Variants in NCALD observed in about 807,000 individuals in gnomAD.
The protein encoded by NCALD is neurocalcin delta.
NCALD carries 10 observed loss-of-function variants against 18.6 expected under a neutral mutation model. The ratio of observed to expected loss-of-function variants is 0.54; its 90% CI spans 0.33 to 0.91. The LOEUF (loss-of-function observed/expected upper bound fraction) is 0.91. Among genes scored for constraint, NCALD ranks in the 40% least tolerant of loss-of-function variants. The probability of loss-of-function intolerance (pLI) is 0.03; values close to 1 mark genes in which losing one functional copy is unlikely to be tolerated. For missense variants in NCALD, 184 were observed against 247.6 expected (o/e 0.74, Z 1.72); for synonymous variants, 88 against 87.4 (o/e 1.01, Z -0.04).
At chr8:101,701,122 G>A (rs1280003026) in intron 2 of NCALD, among the ~76,000 whole-genome samples, 1 of 152,194 alleles carries the variant, frequency 6.6e-6, no homozygotes, top group African/African-American at 2.4e-5. Context: ...GCCCTGCAGA[G>A]CCACAGTGGC....
At chr8:102,098,060 C>A (rs1825160945) in intron 1 of NCALD, among the ~76,000 whole-genome samples, 1 of 152,186 alleles carries the variant, frequency 6.6e-6, no homozygotes. Flanking sequence ...TAAGTATAGT[C>A]TGTGTTTGGG....
At chr8:101,905,201 T>C (rs1237402605) in intron 3 of NCALD, among the ~76,000 whole-genome samples, 1 of 152,200 alleles carries the variant, frequency 6.6e-6, no homozygotes, top group South Asian at 2.1e-4. Context: ...ATGTTTTCTA[T>C]GCCCATGGCT....
chr8:102,001,345 G>C (rs1425483185), intron 2 of NCALD, among the ~76,000 whole-genome samples: 2 of 152,154 alleles, frequency 1.3e-5, no homozygotes, highest in Non-Finnish European at 2.9e-5. Context: ...AAAAAGAAAT[G>C]AACAAAGTCT....
intron 1 of NCALD, among the ~76,000 whole-genome samples, chr8:101,738,211 G>A (rs1424775005): frequency 6.6e-6 from 1 of 151,930 alleles, no homozygotes; most frequent in African/African-American, 2.4e-5. Context: ...GGACTTTTTT[G>A]GTGATAGTAT....
At chr8:102,056,691 G>C (rs1330825884) in intron 1 of NCALD, among the ~76,000 whole-genome samples, 1 of 152,206 alleles carries the variant, frequency 6.6e-6, no homozygotes, top group Non-Finnish European at 1.5e-5. Context: ...CCAAAGACTT[G>C]TTCCACTGTC....
chr8:101,696,516 G>C (rs564429315), intron 2 of NCALD, among the ~76,000 whole-genome samples: 1 of 152,300 alleles, frequency 6.6e-6, no homozygotes, highest in South Asian at 2.1e-4. Flanking sequence ...TGGAAGCCCA[G>C]AGTGGGAGCG....
In NCALD at chr8:102,044,564, A is replaced by G. The variant is rs376591986; in HGVS notation, c.-209-24275T>C. ...GTGTTTATTGAGCCTATAACGCGGT[A>G]ATCACTGAGCTAGAACCTGAATGCT... On this transcript the variant is annotated intron_variant, in intron 1 of 6. Coordinates refer to the NCALD transcript ENST00000311028. 1.1e-4 allele frequency among the ~76,000 whole-genome samples: 17 copies of G among 152,376 alleles called. No homozygotes were observed. The East Asian group carries it at 3.3e-3, about 29-fold the overall frequency.
At chr8:102,015,426 T>C (rs967456217) in intron 2 of NCALD, among the ~76,000 whole-genome samples, 6 of 152,222 alleles carry the variant, frequency 3.9e-5, no homozygotes, top group African/African-American at 1.4e-4. Context: ...AGTTTTCCTA[T>C]TAAGTTTTAG....
chr8:101,921,198 AGTCT>A (rs1169934922), intron 2 of NCALD, among the ~76,000 whole-genome samples: 3 of 151,966 alleles, frequency 2.0e-5, no homozygotes, highest in Non-Finnish European at 4.4e-5. Context: ...CAATCTAATT[AGTCT>A]GTCAAGTACA....
chr8:101,837,352 A>G (rs1223704340), intron 4 of NCALD, among the ~76,000 whole-genome samples: 1 of 152,214 alleles, frequency 6.6e-6, no homozygotes, highest in Non-Finnish European at 1.5e-5. Flanking sequence ...TATCAAATAA[A>G]TAGTGTAAGT....
intron 3 of NCALD, among the ~76,000 whole-genome samples, chr8:101,910,859 G>C (rs1053209658): frequency 6.6e-6 from 1 of 152,138 alleles, no homozygotes; most frequent in Non-Finnish European, 1.5e-5. Context: ...ACAGGGCAAC[G>C]ACCCTGAGAA....
chr8:101,833,350 T>C (rs67887846), intron 4 of NCALD, among the ~76,000 whole-genome samples: 37,391 of 152,108 alleles, frequency 0.25, 4,753 homozygotes, highest in South Asian at 0.3. Flanking sequence ...CCCAAGAAAC[T>C]TTCAATACTG....
At chr8:101,690,871 C>T (rs747994735) in intron 3 of NCALD, 167 of 985,258 alleles carry the variant, frequency 1.7e-4, no homozygotes, top group Non-Finnish European at 2.0e-4. Flanking sequence ...TGCAGTCTCT[C>T]AGGGGTCGGC....
At chr8:101,947,940 C>T (rs1819241154) in intron 2 of NCALD, among the ~76,000 whole-genome samples, 1 of 152,100 alleles carries the variant, frequency 6.6e-6, no homozygotes, top group Admixed American at 6.6e-5. Context: ...TTTACAATGG[C>T]TGTAGAAAAA....
chr8:102,087,769 G>C (rs113209790), intron 1 of NCALD, among the ~76,000 whole-genome samples: 4 of 152,060 alleles, frequency 2.6e-5, no homozygotes, highest in Non-Finnish European at 5.9e-5. Context: ...GGAAACTTGA[G>C]AGCTGATGAG....
At chr8:101,819,351 G>T (rs1015697149) in intron 4 of NCALD, among the ~76,000 whole-genome samples, 1 of 150,858 alleles carries the variant, frequency 6.6e-6, no homozygotes, top group Non-Finnish European at 1.5e-5. Context: ...CATCATTTGG[G>T]TTTTTATTTC....
intron 4 of NCALD, among the ~76,000 whole-genome samples, chr8:101,855,282 G>A (rs1815264401): frequency 6.6e-6 from 1 of 152,148 alleles, no homozygotes; most frequent in African/African-American, 2.4e-5. Flanking sequence ...ACTAGCCAAT[G>A]AGTTGTGAGC....
At chr8:101,809,746 T>C (rs1237154169) in intron 4 of NCALD, among the ~76,000 whole-genome samples, 1 of 152,152 alleles carries the variant, frequency 6.6e-6, no homozygotes, top group Non-Finnish European at 1.5e-5. Context: ...GGTTTCACCA[T>C]GTTGGCCAGA....
intron 3 of NCALD, among the ~76,000 whole-genome samples, chr8:101,915,340 G>C (rs577421777): frequency 6.6e-6 from 1 of 152,144 alleles, no homozygotes; most frequent in South Asian, 2.1e-4. Flanking sequence ...TCACCCACAC[G>C]TTCATTCTCT....
Sources: allele counts gnomAD v4.1 joint callset (sites outside exome capture counted in the v4.1 genomes callset), GRCh38; gene constraint gnomAD v4.1.1; transcripts MANE v1.5; gene names NCBI Gene and HGNC (gene_info 2026-07-23, HGNC 2026-07-21).